The following PCSK5 variants were observed in gnomAD, a reference collection of about 807,000 sequenced individuals.
The protein encoded by PCSK5 is proprotein convertase subtilisin/kexin type 5.
A neutral mutation model predicts 233.2 loss-of-function variants in PCSK5; 129 were observed. The ratio of observed to expected loss-of-function variants is 0.55; its 90% CI spans 0.48 to 0.64. PCSK5 has a LOEUF of 0.64. PCSK5 is among the 30% of genes least tolerant of loss of function. The probability of loss-of-function intolerance (pLI) is 0.00; values close to 1 mark genes in which losing one functional copy is unlikely to be tolerated. For missense variants in PCSK5, 2,076 were observed against 2,430.1 expected (o/e 0.85, Z 3.06); for synonymous variants, 825 against 879.2 (o/e 0.94, Z 1.09).
rs147460708 is a variant in PCSK5 at position 76,117,832 on chromosome 9, C to T, written c.1208+10481C>T. Reference sequence around the variant, plus strand: ...GGTACACAACCAGGGAATGTTGGTACGAAGGAAGAGAATTCTAGTGAGATT... The same window carrying T: ...GGTACACAACCAGGGAATGTTGGTATGAAGGAAGAGAATTCTAGTGAGATT... On this transcript the variant is annotated intron_variant, in intron 9 of 37. Transcript: ENST00000674117. Among the ~76,000 whole-genome samples the T allele has an allele frequency of 2.9e-3, 438 of 152,054 alleles. 4 individuals are homozygous for T. The highest frequency in any genetic ancestry group is 1.0e-2 in the African/African-American group (414 of 41,484).
At chr9:76,311,449 CT>C (rs1828863765) in intron 30 of PCSK5, among the ~76,000 whole-genome samples, 2 of 151,724 alleles carry the variant, frequency 1.3e-5, no homozygotes, top group African/African-American at 4.8e-5. Context: ...TGATGTGCAC[CT>C]CTTCTAAAGG....
chr9:76,358,693 C>G lies in PCSK5; in HGVS notation c.5435C>G (p.Pro1812Arg). The G allele has an allele frequency of 3.1e-6, 5 of 1,612,800 alleles. No homozygotes were observed. The highest frequency in any genetic ancestry group is 4.2e-6 in the Non-Finnish European group (5 of 1,179,884). The stretch of plus-strand genomic sequence containing the variant: ...GCCGGCTATGAAAAACTGGCCGACC[C>G]CAACAAGTCTTACTCCTCCTATAAG... ...AKAGYEKLAD[P>R]NKSYSSYKSS... The change falls in exon 38 of 38, where the codon CCC becomes CGC. Residue 1812 changes from proline (P) to arginine (R), a missense_variant. Around this residue, in one of 6 missense-constraint regions of PCSK5, gnomAD observed 1,510 missense variants for 1,538.1 expected, o/e 0.98. Coordinates refer to ENST00000674117, the MANE Select transcript of PCSK5 (RefSeq NM_001372043.1).
chr9:76,071,397 A>T (rs1830475698), intron 6 of PCSK5, among the ~76,000 whole-genome samples: 2 of 152,122 alleles, frequency 1.3e-5, no homozygotes, highest in African/African-American at 2.4e-5. Flanking sequence ...TTTAAGGGAG[A>T]TGGATTGCTT....
chr9:76,189,765 A>C lies in PCSK5; in HGVS notation c.2626+19A>C. The C allele has an allele frequency of 8.0e-7, 1 of 1,245,544 alleles. No homozygotes were observed. Among genetic ancestry groups the C allele is most frequent in the African/African-American group, 1.5e-5 (1 of 67,620 alleles). The allele number at this position is 1,245,544 out of a possible 1,614,324, so 77.2% of individuals were successfully genotyped here. A position where few individuals can be genotyped will look rare whatever the true frequency, so the allele number is the denominator to read the frequency against. On this transcript the variant is annotated intron_variant, in intron 20 of 37. Transcript: ENST00000674117. The stretch of plus-strand genomic sequence containing the variant: ...AAGGATGGTGAGTACAACTGCCCAT[A>C]TCGATCTTATGAAGCAAAGTATGAT...
chr9:76,041,210 G>T (rs1033169836), intron 5 of PCSK5, among the ~76,000 whole-genome samples: 22 of 152,128 alleles, frequency 1.4e-4, no homozygotes, highest in African/African-American at 5.1e-4. Flanking sequence ...ATACACAATT[G>T]TAAACTAGGG....
intron 2 of PCSK5, among the ~76,000 whole-genome samples, chr9:75,951,713 A>G (rs549453535): frequency 6.6e-6 from 1 of 152,216 alleles, no homozygotes; most frequent in Non-Finnish European, 1.5e-5. Flanking sequence ...AATACTTGGG[A>G]AAAAACAGTA....
chr9:76,053,270 C>T lies in PCSK5; in HGVS notation c.633-14685C>T, dbSNP rs542061377. Among the ~76,000 whole-genome samples the T allele has an allele frequency of 1.5e-4, 23 of 152,318 alleles. No homozygotes were observed. In the South Asian group the frequency reaches 3.5e-3, roughly 23 times the overall value. On this transcript the variant is annotated intron_variant, in intron 5 of 37. Coordinates refer to ENST00000674117, the MANE Select transcript of PCSK5 (RefSeq NM_001372043.1). ...CCCCACATTTCCCTTCTGCACTGCC[C>T]TGGTAGAGGTTCTCCATGAGGGTTC...
intron 27 of PCSK5, among the ~76,000 whole-genome samples, 176 bp downstream of exon 27, chr9:76,297,041 A>T (rs916803071): frequency 3.9e-5 from 6 of 152,116 alleles, no homozygotes; most frequent in Non-Finnish European, 1.5e-5. Context: ...TTGCAGTAGG[A>T]GTGGGTAGGA....
At chr9:76,335,902 G>A (rs1459765220) in intron 34 of PCSK5, among the ~76,000 whole-genome samples, 1 of 152,142 alleles carries the variant, frequency 6.6e-6, no homozygotes, top group East Asian at 1.9e-4. Context: ...AGAAACTGAG[G>A]ATCAGAGGGG....
At position 76,169,818 on chromosome 9, in the gene PCSK5, G is replaced by T. The variant is rs1244202171; in HGVS notation, c.1734G>T (p.Gln578His). ...TTGAAGTTTATGATACTCCCTCTCA[G>T]CTAAGGAACTTTAAGACTCCAGGTG... Reference protein sequence around the residue: ...WVLEVYDTPSQLRNFKTPGKL... With the variant: ...WVLEVYDTPSHLRNFKTPGKL... The change falls in exon 13 of 38, where the codon CAG becomes CAT. Residue 578 changes from glutamine to histidine, a missense_variant. This residue lies in a region of PCSK5 where 50 missense variants were observed against 104.7 expected (regional missense o/e 0.48). Transcript: ENST00000674117. 1 of 1,613,668 alleles carries T rather than the reference G, an allele frequency of 6.2e-7. No individual in the cohort carries two copies. Among genetic ancestry groups the T allele is most frequent in the Non-Finnish European group, 8.5e-7 (1 of 1,179,654 alleles).
chr9:76,067,046 G>C (rs1339981289), intron 5 of PCSK5, among the ~76,000 whole-genome samples: 2 of 152,124 alleles, frequency 1.3e-5, no homozygotes, highest in East Asian at 3.8e-4. Context: ...GGTCAGTCTT[G>C]GTGTTCTTTC....
chr9:76,345,822 C>CT (rs765602704), intron 35 of PCSK5, among the ~76,000 whole-genome samples: 3 of 151,940 alleles, frequency 2.0e-5, no homozygotes, highest in Non-Finnish European at 1.5e-5. Context: ...TGGGTTCAAG[C>CT]AATTCTCCTG....
chr9:76,296,623 A>T, intron 26 of PCSK5, 42 bp from the exon 27 acceptor site: 1 of 1,374,134 alleles, frequency 7.3e-7, no homozygotes, highest in Non-Finnish European at 1.0e-6. Flanking sequence ...CCTTGCAAAG[A>T]TCACTAAAGC....
At chr9:76,280,567 A>G (rs1827832958) in intron 24 of PCSK5, among the ~76,000 whole-genome samples, 1 of 151,804 alleles carries the variant, frequency 6.6e-6, no homozygotes, top group Admixed American at 6.6e-5. Flanking sequence ...CATGGGGAAA[A>G]CCCGTCTCTA....
intron 5 of PCSK5, among the ~76,000 whole-genome samples, chr9:76,060,112 G>A (rs1829973388): frequency 6.6e-6 from 1 of 152,118 alleles, no homozygotes; most frequent in South Asian, 2.1e-4. Flanking sequence ...GGAAGTATGA[G>A]CTGCAAAAAG....
At chr9:75,931,186 G>A (rs1257085541) in intron 1 of PCSK5, among the ~76,000 whole-genome samples, 1 of 151,690 alleles carries the variant, frequency 6.6e-6, no homozygotes, top group African/African-American at 2.4e-5. Flanking sequence ...GGTTGAGAAC[G>A]TGATGAACAG....
At chr9:76,043,079 G>A (rs1238407326) in intron 5 of PCSK5, among the ~76,000 whole-genome samples, 3 of 152,132 alleles carry the variant, frequency 2.0e-5, no homozygotes, top group Non-Finnish European at 4.4e-5. Context: ...AGGCGCCGTC[G>A]CTCACGCCTG....
intron 12 of PCSK5, among the ~76,000 whole-genome samples, chr9:76,161,407 T>C (rs1048375715): frequency 1.3e-5 from 2 of 151,836 alleles, no homozygotes; most frequent in Admixed American, 6.6e-5. Context: ...TCTCTCCAGC[T>C]GTGGTTACCG....
chr9:76,349,206 G>A (rs373982160), intron 35 of PCSK5, among the ~76,000 whole-genome samples: 214 of 150,582 alleles, frequency 1.4e-3, no homozygotes, highest in African/African-American at 5.0e-3. Flanking sequence ...CCCAGGAGGC[G>A]GAGTTTGCAG....
Sources: allele counts gnomAD v4.1 joint callset (sites outside exome capture counted in the v4.1 genomes callset), GRCh38; gene constraint gnomAD v4.1.1; regional missense constraint gnomAD v4.1.1; transcripts MANE v1.5; gene names NCBI Gene and HGNC (gene_info 2026-07-23, HGNC 2026-07-21).